The following ADRA1A variants were observed in gnomAD, a reference collection of about 807,000 sequenced individuals.
ADRA1A encodes adrenoceptor alpha 1A.
In ADRA1A, 31 loss-of-function variants were observed where a neutral mutation model predicts 29.6. That is an observed-to-expected ratio of 1.05 (90% CI 0.79 to 1.41). The LOEUF (loss-of-function observed/expected upper bound fraction) is 1.41, where lower values mean the gene tolerates loss of function less well. ADRA1A is among the 40% of genes most tolerant of loss of function. The probability of loss-of-function intolerance (pLI) is 0.00; values close to 1 mark genes in which losing one functional copy is unlikely to be tolerated. For missense variants in ADRA1A, 619 were observed against 601.1 expected (o/e 1.03, Z -0.31); for synonymous variants, 311 against 254.3 (o/e 1.22, Z -2.12).
rs770362260 is a variant in ADRA1A, at chr8:26,864,211, G to C, written c.759C>G (p.Thr253=). The change falls in exon 2 of 3, where the codon ACC becomes ACG. Residue 253 remains threonine, a synonymous_variant. Transcript: ENST00000380573. The surrounding 1 kb of genome is among the most constrained non-coding windows in gnomAD (Gnocchi z 8.1). ...AGGSGMASAK[T]KTHFSVRLLK... ...GGAGCCTCACTGAGAAGTGCGTCTTGGTCTTGGCGCTGGCCATCCCGCTGC... is the reference window on the plus strand; with the variant it reads ...GGAGCCTCACTGAGAAGTGCGTCTTCGTCTTGGCGCTGGCCATCCCGCTGC... The C allele has an allele frequency of 1.2e-6, 2 of 1,614,054 alleles. No individual in the cohort carries two copies. Among genetic ancestry groups the C allele is most frequent in the Non-Finnish European group, 1.7e-6 (2 of 1,180,042 alleles).
At chr8:26,857,772 C>T (rs916858233) in intron 2 of ADRA1A, among the ~76,000 whole-genome samples, 2 of 152,182 alleles carry the variant, frequency 1.3e-5, no homozygotes, top group Non-Finnish European at 2.9e-5. Context: ...TCCCTTTGTA[C>T]CTGCAGTGAA....
At chr8:26,826,485 G>GTAT (rs1810579038) in intron 2 of ADRA1A, among the ~76,000 whole-genome samples, 1 of 152,216 alleles carries the variant, frequency 6.6e-6, no homozygotes, top group African/African-American at 2.4e-5. Context: ...GTATAAAGAT[G>GTAT]ACTACATTGT....
At position 26,866,222 on chromosome 8, in the gene ADRA1A, C is replaced by A. The variant is rs950277229; in HGVS notation, c.-686-567G>T. Among the ~76,000 whole-genome samples the A allele has an allele frequency of 6.6e-6, 1 of 152,204 alleles. No individual in the cohort carries two copies. Among genetic ancestry groups the A allele is most frequent in the African/African-American group, 2.4e-5 (1 of 41,460 alleles). ...GTGCAGAGCGCACCGGTCTGTCCAC[C>A]AGCCAAGCTGGCTTGAGAGCCAGGT... On this transcript the variant is annotated intron_variant, in intron 1 of 2. Transcript: ENST00000380573. This position sits in a 1 kb window ranked among gnomAD's most constrained non-coding sequence, Gnocchi z 5.7.
intron 2 of ADRA1A, among the ~76,000 whole-genome samples, chr8:26,826,785 G>A (rs144463975): frequency 6.2e-4 from 94 of 152,292 alleles, no homozygotes; most frequent in Non-Finnish European, 8.7e-4. Context: ...TGCCTAGGGC[G>A]AGGGTCTCCC....
rs1370978833 is a variant in ADRA1A, at chr8:26,805,869, T to C, written c.884-35203A>G. ...CATTATTAACAGAGCCAAAGCCAAGTGACGTTGGCCCTTGATAAAGACACA... is the reference window on the plus strand; with the variant it reads ...CATTATTAACAGAGCCAAAGCCAAGCGACGTTGGCCCTTGATAAAGACACA... On this transcript the variant is annotated intron_variant, in intron 2 of 2. Coordinates refer to ENST00000380573, the MANE Select transcript of ADRA1A (RefSeq NM_000680.4). This position sits in a 1 kb window ranked among gnomAD's most constrained non-coding sequence, Gnocchi z 4.8. 1.3e-5 allele frequency among the ~76,000 whole-genome samples: 2 copies of C among 152,144 alleles called. No homozygotes were observed. The highest frequency in any genetic ancestry group is 4.8e-5 in the African/African-American group (2 of 41,436).
intron 2 of ADRA1A, among the ~76,000 whole-genome samples, chr8:26,784,024 G>T (rs1048851231): frequency 6.6e-6 from 1 of 151,998 alleles, no homozygotes; most frequent in South Asian, 2.1e-4. Flanking sequence ...GGGCCTGTTT[G>T]GGGGGTGTGG....
At chr8:26,799,621 A>T (rs538558384) in intron 2 of ADRA1A, among the ~76,000 whole-genome samples, 1 of 152,280 alleles carries the variant, frequency 6.6e-6, no homozygotes, top group South Asian at 2.1e-4. Flanking sequence ...CTGATCTAAG[A>T]TATACTTTTC....
At chr8:26,766,117 A>G (rs1192658684), downstream of ADRA1A, 2 of 1,613,440 alleles carry the variant, frequency 1.2e-6, no homozygotes, top group Non-Finnish European at 8.5e-7. Context: ...GCTCTCTGCA[A>G]TTCTTGGTGA....
chr8:26,791,629 T>G (rs1807841706), intron 2 of ADRA1A, among the ~76,000 whole-genome samples: 1 of 152,144 alleles, frequency 6.6e-6, no homozygotes, highest in African/African-American at 2.4e-5. Context: ...TGCCAAAGAC[T>G]ACAAGGGTCT....
chr8:26,861,084 C>T (rs1813419724), intron 2 of ADRA1A, among the ~76,000 whole-genome samples: 1 of 152,166 alleles, frequency 6.6e-6, no homozygotes, highest in Non-Finnish European at 1.5e-5. Context: ...TCACTAAAAA[C>T]CTGCTTACTG....
chr8:26,835,812 A>T (rs548918328), intron 2 of ADRA1A: 2 of 152,262 alleles, frequency 1.3e-5, no homozygotes, highest in African/African-American at 4.8e-5. Context: ...GCCCTCCCTG[A>T]TTCATTATTT....
At chr8:26,785,961 A>G (rs565172480) in intron 2 of ADRA1A, among the ~76,000 whole-genome samples, 1 of 152,196 alleles carries the variant, frequency 6.6e-6, no homozygotes, top group Non-Finnish European at 1.5e-5. Flanking sequence ...CAGCCACAAC[A>G]CCTGTCACCT....
chr8:26,839,315 C>T (rs185767065), intron 2 of ADRA1A, among the ~76,000 whole-genome samples: 190 of 152,196 alleles, frequency 1.2e-3, no homozygotes, highest in Non-Finnish European at 2.1e-3. Flanking sequence ...CCTGCCACAA[C>T]GCCCAGCTCA....
At chr8:26,788,461 A>G (rs1006587536) in intron 2 of ADRA1A, among the ~76,000 whole-genome samples, 2 of 152,196 alleles carry the variant, frequency 1.3e-5, no homozygotes, top group Non-Finnish European at 2.9e-5. Context: ...TTTAAGTTTC[A>G]TGATCTCATA....
chr8:26,760,105 T>G (rs1805422516), intron 2 of ADRA1A, among the ~76,000 whole-genome samples: 1 of 152,226 alleles, frequency 6.6e-6, no homozygotes, highest in Non-Finnish European at 1.5e-5. Context: ...AGAACAGTCC[T>G]GATTCTTCCA....
rs1808969326 is a variant in ADRA1A, at chr8:26,806,207, T to C, written c.884-35541A>G. Among the ~76,000 whole-genome samples the C allele has an allele frequency of 6.6e-6, 1 of 152,210 alleles. No individual in the cohort carries two copies. The highest frequency in any genetic ancestry group is 1.5e-5 in the Non-Finnish European group (1 of 68,040). On this transcript the variant is annotated intron_variant, in intron 2 of 2. Transcript: ENST00000380573. This position sits in a 1 kb window ranked among gnomAD's most constrained non-coding sequence, Gnocchi z 4.6. ...TGCCCTGTTTTTAACTGGGTTGCAA[T>C]TCATGCAGCCTCCTAACTGCAAAAT...
intron 2 of ADRA1A, among the ~76,000 whole-genome samples, chr8:26,832,736 A>G (rs1014044361): frequency 6.6e-6 from 1 of 152,216 alleles, no homozygotes; most frequent in South Asian, 2.1e-4. Flanking sequence ...GTTTGCCTGC[A>G]GGAGGATGTG....
rs1813394868 is a variant in ADRA1A, at chr8:26,860,807, C to A, written c.883+3280G>T. 6.6e-6 allele frequency among the ~76,000 whole-genome samples: 1 copy of A among 152,094 alleles called. No homozygotes were observed. Among genetic ancestry groups the A allele is most frequent in the African/African-American group, 2.4e-5 (1 of 41,400 alleles). On this transcript the variant is annotated intron_variant, in intron 2 of 2. Coordinates refer to ENST00000380573, the MANE Select transcript of ADRA1A (RefSeq NM_000680.4). The surrounding 1 kb of genome is among the most constrained non-coding windows in gnomAD (Gnocchi z 4.7). ...GAATCCCGTTGCCTCTTTTGCCTAT[C>A]CCATCAGTGCCTCTCTCTATCCCAT... is the stretch of plus-strand genomic sequence containing the variant.
intron 2 of ADRA1A, among the ~76,000 whole-genome samples, chr8:26,793,837 T>C (rs1184303411): frequency 6.6e-6 from 1 of 151,992 alleles, no homozygotes; most frequent in African/African-American, 2.4e-5. Flanking sequence ...TCCAAATAAT[T>C]TATATTCATG....
Sources: gnomAD v4.1 joint callset for allele counts (sites outside exome capture counted in the v4.1 genomes callset) on GRCh38, gnomAD v4.1.1 for gene constraint, Gnocchi (gnomAD v3.1) non-coding constraint, MANE v1.5 for transcripts, NCBI Gene and HGNC (gene_info 2026-07-23, HGNC 2026-07-21) for gene names.